Variants in HEPACAM2 observed in about 807,000 individuals in gnomAD.
HEPACAM2 encodes HEPACAM family member 2.
Under a neutral mutation model 49.6 loss-of-function variants are expected in HEPACAM2, and 49 were observed. The observed-to-expected ratio is 0.99, with a 90% confidence interval of 0.78 to 1.25. The LOEUF (loss-of-function observed/expected upper bound fraction) is 1.25, where lower values mean the gene tolerates loss of function less well. Ranked by LOEUF, HEPACAM2 falls within the 50% of genes most tolerant of loss-of-function variation. The pLI is 0.00. For synonymous variants in HEPACAM2, 197 were observed against 202.9 expected (o/e 0.97, Z 0.25); for missense variants, 525 against 557.2 (o/e 0.94, Z 0.58).
rs557438175 is a variant in HEPACAM2, at chr7:93,200,664, G to T, written c.1013-3054C>A. ...GTTTACAAAGTGAAAGTTGTAAAAA[G>T]CACCTCCTAGCATCATGCAGTTCAA... On this transcript the variant is annotated intron_variant, in intron 4 of 9. Transcript: ENST00000394468. 2.0e-5 allele frequency among the ~76,000 whole-genome samples: 3 copies of T among 152,204 alleles called. No homozygotes were observed. In the South Asian group the frequency reaches 6.2e-4, roughly 32 times the overall value.
At chr7:93,192,410 A>G in intron 8 of HEPACAM2, 47 bp from the exon 9 acceptor site, 2 of 1,408,960 alleles carry the variant, frequency 1.4e-6, no homozygotes, top group Non-Finnish European at 2.0e-6. Flanking sequence ...AGACTAGTAA[A>G]TAGTTTTTCC....
intron 4 of HEPACAM2, among the ~76,000 whole-genome samples, chr7:93,198,839 C>CA (rs1330216425): frequency 1.6e-4 from 24 of 152,086 alleles, no homozygotes; most frequent in Non-Finnish European, 5.9e-5. Context: ...CTGAGATCTC[C>CA]AACAGCCAAA....
At chr7:93,222,500 A>G (rs1389917984) in intron 1 of HEPACAM2, among the ~76,000 whole-genome samples, 2 of 152,022 alleles carry the variant, frequency 1.3e-5, no homozygotes, top group South Asian at 2.1e-4. Context: ...TCTTAAATTT[A>G]TCACTTGCAA....
intron 2 of HEPACAM2, among the ~76,000 whole-genome samples, chr7:93,217,733 A>G (rs543990743): frequency 3.4e-4 from 51 of 152,134 alleles, no homozygotes; most frequent in Non-Finnish European, 5.6e-4. Flanking sequence ...CTCATATTCT[A>G]GGTAGGGAAG....
intron 8 of HEPACAM2, 118 bp downstream of exon 8, chr7:93,195,710 G>A: frequency 2.7e-6 from 2 of 750,238 alleles, no homozygotes; most frequent in Non-Finnish European, 4.6e-6. Context: ...ACTGCTTAAT[G>A]CAGTAATGGG....
intron 1 of HEPACAM2, chr7:93,225,800 C>A: frequency 1.7e-6 from 1 of 590,712 alleles, no homozygotes; most frequent in Non-Finnish European, 2.8e-6. Context: ...AAGAGAAAAG[C>A]TAAAGGCATT....
chr7:93,216,713 A>G (rs1237273127), intron 2 of HEPACAM2, among the ~76,000 whole-genome samples: 2 of 152,174 alleles, frequency 1.3e-5, no homozygotes, highest in African/African-American at 4.8e-5. Flanking sequence ...TCTCTTCTGC[A>G]TTTTGGAGAG....
intron 3 of HEPACAM2, among the ~76,000 whole-genome samples, chr7:93,212,339 A>G (rs914726659): frequency 6.6e-6 from 1 of 151,888 alleles, no homozygotes; most frequent in South Asian, 2.1e-4. Flanking sequence ...TTTTATTTAT[A>G]TGCTATATTT....
At chr7:93,226,329 CT>C in intron 1 of HEPACAM2, 38 bp downstream of exon 1, 1 of 1,452,110 alleles carries the variant, frequency 6.9e-7, no homozygotes, top group East Asian at 2.3e-5. Context: ...AAAAAAAAAC[CT>C]AACAAACAGC....
chr7:93,218,980 G>T, intron 2 of HEPACAM2, 121 bp downstream of exon 2: 1 of 735,292 alleles, frequency 1.4e-6, no homozygotes, highest in Non-Finnish European at 2.3e-6. Flanking sequence ...GAGGCTTTGA[G>T]GATTAATTGA....
At chr7:93,208,133 G>A (rs1794076583) in intron 4 of HEPACAM2, among the ~76,000 whole-genome samples, 1 of 151,956 alleles carries the variant, frequency 6.6e-6, no homozygotes, top group Non-Finnish European at 1.5e-5. Flanking sequence ...TGTTTAAATG[G>A]TGGAAGAGGA....
intron 1 of HEPACAM2, among the ~76,000 whole-genome samples, chr7:93,219,819 C>T (rs1671960141): frequency 6.6e-6 from 1 of 152,206 alleles, no homozygotes; most frequent in African/African-American, 2.4e-5. Flanking sequence ...CATATCATAT[C>T]ATAATCTAAC....
chr7:93,215,341 G>T, intron 3 of HEPACAM2, 60 bp downstream of exon 3: 1 of 1,457,510 alleles, frequency 6.9e-7, no homozygotes, highest in East Asian at 2.3e-5. Flanking sequence ...TGACTATCCT[G>T]GGAGATATTC....
At position 93,189,943 on chromosome 7, in the gene HEPACAM2, G is replaced by A. The variant is rs1793500567; in HGVS notation, c.1386-673C>T. ...GGACCTAGAGGAGAATAAAACCACAGATAATCAGGAAAGAAAAATGCTCTC... is the reference window on the plus strand; with the variant it reads ...GGACCTAGAGGAGAATAAAACCACAAATAATCAGGAAAGAAAAATGCTCTC... On this transcript the variant is annotated intron_variant, in intron 9 of 9. Transcript: ENST00000394468. Among the ~76,000 whole-genome samples, 3 of 151,858 alleles carry A rather than the reference G, an allele frequency of 2.0e-5. No individual in the cohort carries two copies. The South Asian group carries it at 6.2e-4, about 32-fold the overall frequency.
chr7:93,191,335 C>T (rs1016980241), intron 9 of HEPACAM2, among the ~76,000 whole-genome samples: 8 of 151,950 alleles, frequency 5.3e-5, no homozygotes, highest in African/African-American at 9.7e-5. Context: ...CCTTAAATGA[C>T]GCACAGTCCC....
chr7:93,228,327 A>C (rs1046835473), upstream of HEPACAM2, among the ~76,000 whole-genome samples: 2 of 152,226 alleles, frequency 1.3e-5, no homozygotes, highest in African/African-American at 4.8e-5. Flanking sequence ...TAAATGCCAT[A>C]TGAATCTTAC....
At chr7:93,211,867 G>A (rs1228820340) in intron 3 of HEPACAM2, among the ~76,000 whole-genome samples, 1 of 152,064 alleles carries the variant, frequency 6.6e-6, no homozygotes, top group African/African-American at 2.4e-5. Flanking sequence ...ATGTGGTCAC[G>A]AAAATACAGC....
chr7:93,209,300 A>T (rs1041097346), intron 3 of HEPACAM2, among the ~76,000 whole-genome samples: 10 of 151,984 alleles, frequency 6.6e-5, no homozygotes, highest in Non-Finnish European at 1.5e-4. Context: ...TAATTGAGAC[A>T]TGATAATCGT....
chr7:93,195,058 C>T (rs1720078970), intron 8 of HEPACAM2, among the ~76,000 whole-genome samples: 1 of 150,864 alleles, frequency 6.6e-6, no homozygotes, highest in African/African-American at 2.4e-5. Context: ...CCTTCTGAAG[C>T]ATGAGGTATC....
Sources: gnomAD v4.1 joint callset for allele counts (sites outside exome capture counted in the v4.1 genomes callset) on GRCh38, gnomAD v4.1.1 for gene constraint, MANE v1.5 for transcripts, NCBI Gene and HGNC (gene_info 2026-07-23, HGNC 2026-07-21) for gene names.